Variants in MAP3K19 observed in about 807,000 individuals in gnomAD.
MAP3K19 encodes mitogen-activated protein kinase kinase kinase 19.
In MAP3K19, 91 loss-of-function variants were observed where a neutral mutation model predicts 114.4. The ratio of observed to expected loss-of-function variants is 0.80; its 90% CI spans 0.67 to 0.95. The LOEUF (loss-of-function observed/expected upper bound fraction) is 0.95. MAP3K19 is among the 40% of genes least tolerant of loss of function. MAP3K19 has a pLI of 0.00. For synonymous variants in MAP3K19, 518 were observed against 530.5 expected (o/e 0.98, Z 0.32); for missense variants, 1,471 against 1,573.2 (o/e 0.94, Z 1.10).
In MAP3K19 at chr2:134,968,355, G is replaced by A. The variant is rs369847629; in HGVS notation, c.3921-3439C>T. ...AAAACCGCCATTGTCATCATGGCCCGTTCTCAATGAGCTGTTGGGTACACC... is the reference window on the plus strand; with the variant it reads ...AAAACCGCCATTGTCATCATGGCCCATTCTCAATGAGCTGTTGGGTACACC... On this transcript the variant is annotated intron_variant, in intron 12 of 12. Transcript: ENST00000392915. Among the ~76,000 whole-genome samples the A allele has an allele frequency of 9.9e-5, 15 of 151,456 alleles. No individual in the cohort carries two copies. The East Asian group carries it at 1.2e-3, about 12-fold the overall frequency.
chr2:134,964,685 G>A lies in MAP3K19; in HGVS notation c.*165C>T. The A allele has an allele frequency of 6.0e-6, 3 of 503,100 alleles. No individual in the cohort carries two copies. The highest frequency in any genetic ancestry group is 3.5e-5 in the South Asian group (1 of 28,914). 31.2% of individuals were successfully genotyped at this position (503,100 alleles called of 1,614,324 possible). On this transcript the variant is annotated 3_prime_UTR_variant, in exon 13 of 13. Transcript: ENST00000392915. ...AGTAATAATGTCTGACACTTGAGGA[G>A]GCTAATATGTAACTGCAACTTTCAG...
rs1172023228 is a variant in MAP3K19 at position 134,999,446 on chromosome 2, C to CA, written c.315-450dup. 6.6e-6 allele frequency among the ~76,000 whole-genome samples: 1 copy of CA among 152,094 alleles called. No individual in the cohort carries two copies. Among genetic ancestry groups the CA allele is most frequent in the Non-Finnish European group, 1.5e-5 (1 of 67,984 alleles). On this transcript the variant is annotated intron_variant, in intron 7 of 12. Coordinates refer to ENST00000392915, the MANE Select transcript of MAP3K19 (RefSeq NM_025052.5). The surrounding 1 kb of genome is among the most constrained non-coding windows in gnomAD (Gnocchi z 4.1). ...AAATGGAAGAAAAATAAAAGACATGCAAAAAATAAGCCTCAATTTGTTTCA... is the reference window on the plus strand; with the variant it reads ...AAATGGAAGAAAAATAAAAGACATGCAAAAAAATAAGCCTCAATTTGTTTCA...
At chr2:135,015,456 C>T (rs963758339) in intron 5 of MAP3K19, among the ~76,000 whole-genome samples, 1 of 152,138 alleles carries the variant, frequency 6.6e-6, no homozygotes, top group African/African-American at 2.4e-5. Flanking sequence ...CAGATACATA[C>T]ATTTTAAGTA....
At chr2:135,010,980 G>A (rs1285083493) in intron 5 of MAP3K19, among the ~76,000 whole-genome samples, 2 of 152,074 alleles carry the variant, frequency 1.3e-5, no homozygotes, top group Non-Finnish European at 2.9e-5. Context: ...AAAGATGACT[G>A]GGCGAGTCTA....
chr2:134,980,906 T>C lies in MAP3K19; in HGVS notation c.3835A>G (p.Ile1279Val), dbSNP rs780890801. 3.1e-6 allele frequency: 5 copies of C among 1,614,110 alleles called. No homozygotes were observed. The change falls in exon 12 of 13, where the codon ATC becomes GTC. Residue 1279 changes from isoleucine (I) to valine (V), a missense_variant. Ile to Val is a conservative substitution (Grantham distance 29). Transcript: ENST00000392915. ...GGCATCAGCCCTCGGTGTGCTCCGA[T>C]GTAAAACATGGCGGCCATCCTGTCC... ...SMDRMAAMFY[I>V]GAHRGLMPPL...
At chr2:135,025,446 C>T (rs1473498186) in intron 3 of MAP3K19, among the ~76,000 whole-genome samples, 4 of 132,304 alleles carry the variant, frequency 3.0e-5, no homozygotes, top group African/African-American at 5.9e-5. Context: ...AGTGCAGTGG[C>T]GCGATCTCGG....
intron 5 of MAP3K19, among the ~76,000 whole-genome samples, chr2:135,018,520 T>C (rs1687748269): frequency 6.6e-6 from 1 of 152,144 alleles, no homozygotes; most frequent in African/African-American, 2.4e-5. Flanking sequence ...AAAGTTCTTG[T>C]AGAGACAGCT....
chr2:134,981,880 CTTTTTTTTTTT>C (rs567597251), intron 11 of MAP3K19, among the ~76,000 whole-genome samples: 2 of 124,504 alleles, frequency 1.6e-5, no homozygotes, highest in East Asian at 2.3e-4. Flanking sequence ...GATTTCTTTT[CTTTTTTTTTTT>C]TTTTTTTTTG....
intron 5 of MAP3K19, among the ~76,000 whole-genome samples, chr2:135,013,140 T>G (rs1574019845): frequency 6.6e-6 from 1 of 151,946 alleles, no homozygotes; most frequent in East Asian, 1.9e-4. Flanking sequence ...GTCAACATGG[T>G]GAAACCCTGT....
chr2:135,022,364 A>G (rs1688039643), intron 4 of MAP3K19, among the ~76,000 whole-genome samples: 1 of 152,234 alleles, frequency 6.6e-6, no homozygotes, highest in African/African-American at 2.4e-5. Context: ...CCTCTTCTCC[A>G]GAGCTGCGCA....
chr2:134,990,980 G>A (rs980575324), intron 9 of MAP3K19, among the ~76,000 whole-genome samples: 30 of 152,084 alleles, frequency 2.0e-4, no homozygotes, highest in African/African-American at 7.0e-4. Context: ...TATTGCTTGA[G>A]GCCAGGAGTT....
At chr2:135,042,523 A>AAGT (rs1688666660) in intron 1 of MAP3K19, among the ~76,000 whole-genome samples, 1 of 151,766 alleles carries the variant, frequency 6.6e-6, no homozygotes, top group Non-Finnish European at 1.5e-5. Context: ...AAAAAAAGAA[A>AAGT]AAAGAAAATT....
Position 134,967,649 on chromosome 2 carries a change from A to T in MAP3K19, c.3921-2733T>A, listed in dbSNP as rs534277391. Reference sequence around the variant, plus strand: ...TGAACTTCCTTATGACTTAGATTGTATTGCTCACATGTTCGTTGCTGACTT... The same window carrying T: ...TGAACTTCCTTATGACTTAGATTGTTTTGCTCACATGTTCGTTGCTGACTT... On this transcript the variant is annotated intron_variant, in intron 12 of 12. Coordinates refer to ENST00000392915, the MANE Select transcript of MAP3K19 (RefSeq NM_025052.5). 3.7e-3 allele frequency among the ~76,000 whole-genome samples: 568 copies of T among 152,274 alleles called. 6 individuals carry two copies. The highest frequency in any genetic ancestry group is 4.1e-3 in the Admixed American group (62 of 15,296).
intron 10 of MAP3K19, among the ~76,000 whole-genome samples, chr2:134,984,161 AAT>A (rs967691419): frequency 3.9e-5 from 6 of 152,166 alleles, no homozygotes; most frequent in African/African-American, 1.4e-4. Context: ...ATCATGACAG[AAT>A]ATGTTAGTGT....
At chr2:135,008,248 G>A (rs1228826357) in intron 5 of MAP3K19, among the ~76,000 whole-genome samples, 2 of 151,638 alleles carry the variant, frequency 1.3e-5, no homozygotes, top group African/African-American at 4.9e-5. Flanking sequence ...TCAACCTCTC[G>A]AGTAGCTGAG....
At chr2:135,045,162 G>A (rs1010916609) in intron 1 of MAP3K19, among the ~76,000 whole-genome samples, 1 of 152,182 alleles carries the variant, frequency 6.6e-6, no homozygotes, top group African/African-American at 2.4e-5. Flanking sequence ...TTGTCCTCCA[G>A]AATGGCTGTA....
intron 2 of MAP3K19, among the ~76,000 whole-genome samples, chr2:135,032,537 A>G (rs1328637266): frequency 6.6e-6 from 1 of 151,808 alleles, no homozygotes; most frequent in Admixed American, 6.6e-5. Flanking sequence ...CAAAAGATGA[A>G]AAGAACCATT....
intron 8 of MAP3K19, among the ~76,000 whole-genome samples, chr2:134,997,264 C>T (rs546487858): frequency 1.3e-5 from 2 of 152,068 alleles, no homozygotes; most frequent in Non-Finnish European, 2.9e-5. Flanking sequence ...GATTCCATTT[C>T]TATAAAAGAC....
chr2:134,979,202 T>A (rs1262005588), intron 12 of MAP3K19, among the ~76,000 whole-genome samples: 1 of 152,184 alleles, frequency 6.6e-6, no homozygotes, highest in East Asian at 1.9e-4. Context: ...ATTATATACT[T>A]GTATATGACT....
Sources: gnomAD v4.1 joint callset for allele counts (sites outside exome capture counted in the v4.1 genomes callset) on GRCh38, gnomAD v4.1.1 for gene constraint, Gnocchi (gnomAD v3.1) non-coding constraint, MANE v1.5 for transcripts, NCBI Gene and HGNC (gene_info 2026-07-23, HGNC 2026-07-21) for gene names.